The following NELL1 variants were observed in gnomAD, a reference collection of about 807,000 sequenced individuals.
NELL1 encodes protein kinase C-binding protein NELL1.
In NELL1, 76 loss-of-function variants were observed where a neutral mutation model predicts 107.4. The ratio of observed to expected loss-of-function variants is 0.71; its 90% CI spans 0.59 to 0.86. NELL1 has a LOEUF of 0.86. Among genes scored for constraint, NELL1 ranks in the 40% least tolerant of loss-of-function variants. The pLI, the probability that NELL1 is intolerant of heterozygous loss-of-function variation, is 0.00. For missense variants in NELL1, 1,024 were observed against 1,005.5 expected (o/e 1.02, Z -0.25); for synonymous variants, 353 against 341.2 (o/e 1.03, Z -0.38).
At chr11:21,471,420 GC>G (rs1174410017) in intron 15 of NELL1, among the ~76,000 whole-genome samples, 1 of 151,960 alleles carries the variant, frequency 6.6e-6, no homozygotes, top group Non-Finnish European at 1.5e-5. Context: ...ATCCTAACAA[GC>G]CATCTTTTCT....
intron 15 of NELL1, among the ~76,000 whole-genome samples, chr11:21,388,664 T>C (rs1303798367): frequency 6.6e-6 from 1 of 151,892 alleles, no homozygotes; most frequent in Non-Finnish European, 1.5e-5. Context: ...CTCCAAGCTT[T>C]GAACTTGAAG....
intron 14 of NELL1, among the ~76,000 whole-genome samples, chr11:21,293,786 T>C (rs535689715): frequency 2.6e-5 from 4 of 152,058 alleles, no homozygotes; most frequent in African/African-American, 9.7e-5. Flanking sequence ...TGCCAGGACA[T>C]GCATAAAGCT....
rs58821386 is a variant in NELL1, at chr11:21,226,613, G to T, written c.1427-2719G>T. Among the ~76,000 whole-genome samples the T allele has an allele frequency of 1.1e-3, 170 of 152,230 alleles. 1 individual carries two copies. Among genetic ancestry groups the T allele is most frequent in the African/African-American group, 4.0e-3 (166 of 41,538 alleles). On this transcript the variant is annotated intron_variant, in intron 13 of 19. Transcript: ENST00000357134. ...CTCTAGGTTCAATAACATTATGGAA[G>T]ATATTAATAGATAAAGTGAAGGTTG...
intron 15 of NELL1, among the ~76,000 whole-genome samples, chr11:21,404,100 A>G (rs867105557): frequency 1.5e-4 from 22 of 145,086 alleles, no homozygotes; most frequent in Middle Eastern, 3.5e-3. Flanking sequence ...TCAGTCTCAC[A>G]AAACACATGT....
intron 13 of NELL1, among the ~76,000 whole-genome samples, chr11:21,213,177 G>A (rs1181074705): frequency 6.6e-6 from 1 of 151,864 alleles, no homozygotes; most frequent in Non-Finnish European, 1.5e-5. Flanking sequence ...AACATTTATA[G>A]GATCTGTATG....
At chr11:21,275,455 G>T (rs950563337) in intron 14 of NELL1, among the ~76,000 whole-genome samples, 1 of 152,084 alleles carries the variant, frequency 6.6e-6, no homozygotes, top group Non-Finnish European at 1.5e-5. Flanking sequence ...ATTCACAGCC[G>T]AATTCTACCA....
intron 3 of NELL1, among the ~76,000 whole-genome samples, chr11:20,784,541 G>A (rs533553490): frequency 7.4e-5 from 10 of 135,980 alleles, no homozygotes; most frequent in Non-Finnish European, 1.6e-5. Flanking sequence ...GTTTGGGGTG[G>A]GCGATGGGGC....
chr11:21,486,276 C>T (rs370049062), intron 15 of NELL1, among the ~76,000 whole-genome samples: 54 of 149,496 alleles, frequency 3.6e-4, no homozygotes, highest in East Asian at 3.3e-3. Context: ...CGAAGACTGG[C>T]CCACCTGGTA....
intron 12 of NELL1, among the ~76,000 whole-genome samples, chr11:21,086,958 C>T (rs1854407176): frequency 6.6e-6 from 1 of 151,748 alleles, no homozygotes; most frequent in African/African-American, 2.4e-5. Context: ...CCTGCCTCAG[C>T]CTCCAGAGTA....
chr11:20,883,210 T>C (rs983477215), intron 4 of NELL1, among the ~76,000 whole-genome samples: 2 of 152,154 alleles, frequency 1.3e-5, no homozygotes, highest in African/African-American at 4.8e-5. Flanking sequence ...ACATGGGAAA[T>C]GAGAACACCA....
At chr11:21,227,253 G>A (rs563256610) in intron 13 of NELL1, among the ~76,000 whole-genome samples, 98 of 152,188 alleles carry the variant, frequency 6.4e-4, no homozygotes, top group African/African-American at 2.3e-3. Context: ...TATCTAGCAT[G>A]ACCACACATG....
chr11:20,841,810 GTTTA>G (rs1006333333), intron 3 of NELL1, among the ~76,000 whole-genome samples: 16 of 152,218 alleles, frequency 1.1e-4, no homozygotes, highest in African/African-American at 3.9e-4. Flanking sequence ...GATATAATTA[GTTTA>G]TTTAAGACAC....
Position 21,271,657 on chromosome 11 carries a change from C to G in NELL1, c.1549+42203C>G, listed in dbSNP as rs146132067. On this transcript the variant is annotated intron_variant, in intron 14 of 19. Transcript: ENST00000357134. ...ACATTACTCTAATACTAAAACCAGA[C>G]AAAAACATCACAAGAAAAGAAAACT... is the stretch of plus-strand genomic sequence containing the variant. Among the ~76,000 whole-genome samples the G allele has an allele frequency of 1.7e-3, 260 of 152,232 alleles. 2 individuals carry two copies. The Middle Eastern group carries it at 0.02, about 12-fold the overall frequency.
At chr11:21,574,283 A>G (rs1857171645) in intron 19 of NELL1, among the ~76,000 whole-genome samples, 1 of 151,704 alleles carries the variant, frequency 6.6e-6, no homozygotes, top group South Asian at 2.1e-4. Flanking sequence ...GTATCATCTT[A>G]AGATGTAGCC....
chr11:21,184,119 G>C (rs1486855117), intron 13 of NELL1, among the ~76,000 whole-genome samples: 1 of 151,808 alleles, frequency 6.6e-6, no homozygotes, highest in Non-Finnish European at 1.5e-5. Context: ...GCTTGGAGAA[G>C]TCACTTAACT....
intron 13 of NELL1, among the ~76,000 whole-genome samples, chr11:21,172,339 G>A (rs1856624828): frequency 6.6e-6 from 1 of 151,780 alleles, no homozygotes; most frequent in Non-Finnish European, 1.5e-5. Context: ...ATGATTTCTG[G>A]CTTCGTGTAT....
intron 12 of NELL1, among the ~76,000 whole-genome samples, chr11:21,044,245 G>A (rs1853304736): frequency 6.6e-6 from 1 of 152,162 alleles, no homozygotes; most frequent in Non-Finnish European, 1.5e-5. Context: ...AGTTAATTCT[G>A]TCAAATGCTG....
At chr11:20,697,710 G>A (rs1048633409) in intron 2 of NELL1, among the ~76,000 whole-genome samples, 7 of 152,094 alleles carry the variant, frequency 4.6e-5, no homozygotes, top group South Asian at 2.1e-4. Flanking sequence ...CTGGCTTGCC[G>A]TCAAGTGTGG....
chr11:20,710,034 C>A (rs776493897), intron 2 of NELL1, among the ~76,000 whole-genome samples: 1 of 152,122 alleles, frequency 6.6e-6, no homozygotes, highest in African/African-American at 2.4e-5. Context: ...ATTTGGATGC[C>A]GTTTATTTCT....
Sources: gnomAD v4.1 joint callset for allele counts (sites outside exome capture counted in the v4.1 genomes callset) on GRCh38, gnomAD v4.1.1 for gene constraint, MANE v1.5 for transcripts, NCBI Gene and HGNC (gene_info 2026-07-23, HGNC 2026-07-21) for gene names.